The following COPG2 variants were observed in gnomAD, a reference collection of about 807,000 sequenced individuals.
The protein encoded by COPG2 is coat protein complex I subunit gamma 2.
A neutral mutation model predicts 46.3 loss-of-function variants in COPG2; 37 were observed. The observed-to-expected ratio is 0.80, with a 90% CI of 0.61 to 1.05. COPG2 has a LOEUF of 1.05. Among genes scored for constraint, COPG2 ranks in the 50% least tolerant of loss-of-function variants. COPG2 has a pLI of 0.00. For missense variants in COPG2, 427 were observed against 387.8 expected (o/e 1.10, Z -0.85); for synonymous variants, 159 against 129.7 (o/e 1.23, Z -1.53).
chr7:130,590,000 G>A (rs955162160), intron 9 of COPG2, among the ~76,000 whole-genome samples: 9 of 152,182 alleles, frequency 5.9e-5, no homozygotes, highest in Non-Finnish European at 1.2e-4. Context: ...CGTAAAAGAC[G>A]TTAAATTTTT....
chr7:130,615,859 G>T (rs181639627), intron 6 of COPG2, among the ~76,000 whole-genome samples: 1 of 152,332 alleles, frequency 6.6e-6, no homozygotes, highest in Admixed American at 6.5e-5. Context: ...CCACCTGTGG[G>T]CCAGCCAGTG....
chr7:130,552,321 TA>T, intron 15 of COPG2, 33 bp downstream of exon 15: 4 of 397,910 alleles, frequency 1.0e-5, no homozygotes, highest in Non-Finnish European at 1.8e-5. Context: ...ATAGAATTCT[TA>T]TTTTTTTTTA....
chr7:130,635,985 T>C lies in COPG2; in HGVS notation c.323+16884A>G, dbSNP rs1345771755. Among the ~76,000 whole-genome samples the C allele has an allele frequency of 2.6e-5, 4 of 152,286 alleles. No individual in the cohort carries two copies. The South Asian group carries it at 6.2e-4, about 24-fold the overall frequency. On this transcript the variant is annotated intron_variant, in intron 5 of 23. Transcript: ENST00000425248. Reference sequence around the variant, plus strand: ...TACCCAGTAGTCATTCAGGGGCAGGTTGTTCAGTTTCCATGTAGTTGTATG... The same window carrying C: ...TACCCAGTAGTCATTCAGGGGCAGGCTGTTCAGTTTCCATGTAGTTGTATG...
chr7:130,637,211 T>C (rs1383615599), intron 5 of COPG2, among the ~76,000 whole-genome samples: 1 of 152,202 alleles, frequency 6.6e-6, no homozygotes, highest in Non-Finnish European at 1.5e-5. Flanking sequence ...GTGGGGTTGC[T>C]CTTCTCGAGG....
intron 20 of COPG2, among the ~76,000 whole-genome samples, chr7:130,529,926 AC>A (rs1323885230): frequency 1.5e-3 from 227 of 152,320 alleles, no homozygotes; most frequent in Non-Finnish European, 2.6e-3. Flanking sequence ...TGCAAAATAT[AC>A]GCAGAGGTTC....
chr7:130,516,052 T>A (rs1266322438), intron 20 of COPG2, among the ~76,000 whole-genome samples: 1 of 152,062 alleles, frequency 6.6e-6, no homozygotes, highest in African/African-American at 2.4e-5. Flanking sequence ...CAGTACTGAA[T>A]CTATGGAACT....
chr7:130,599,180 G>A (rs950754251), intron 9 of COPG2, among the ~76,000 whole-genome samples: 1 of 152,194 alleles, frequency 6.6e-6, no homozygotes, highest in Non-Finnish European at 1.5e-5. Flanking sequence ...GGAAGTCTCT[G>A]AGGGGGATAA....
chr7:130,633,763 C>T (rs1052956958), intron 5 of COPG2, among the ~76,000 whole-genome samples: 11 of 152,096 alleles, frequency 7.2e-5, no homozygotes, highest in Non-Finnish European at 1.0e-4. Context: ...GTTGCCATTG[C>T]TTTTGGTGTT....
chr7:130,602,126 G>C (rs1354905141), intron 9 of COPG2, among the ~76,000 whole-genome samples: 3 of 152,174 alleles, frequency 2.0e-5, no homozygotes, highest in African/African-American at 7.2e-5. Flanking sequence ...CTAGGGAATA[G>C]TAAGTATTAC....
chr7:130,641,376 G>A (rs1389394583), intron 5 of COPG2, among the ~76,000 whole-genome samples: 1 of 152,100 alleles, frequency 6.6e-6, no homozygotes, highest in East Asian at 1.9e-4. Context: ...AAGAACTACA[G>A]CACTGATATG....
chr7:130,610,005 C>T (rs1475549350), intron 9 of COPG2: 3 of 502,376 alleles, frequency 6.0e-6, no homozygotes, highest in East Asian at 1.1e-4. Flanking sequence ...AAGTCACTGC[C>T]TAGTAATTTC....
At chr7:130,511,841 A>G (rs782403623) in intron 20 of COPG2, 1 of 519,550 alleles carries the variant, frequency 1.9e-6, no homozygotes, top group East Asian at 5.5e-5. Flanking sequence ...GCAGCAGACT[A>G]GCTCTTAAAG....
intron 4 of COPG2, among the ~76,000 whole-genome samples, chr7:130,659,475 A>C (rs1480908951): frequency 6.6e-6 from 1 of 152,154 alleles, no homozygotes; most frequent in Non-Finnish European, 1.5e-5. Context: ...AATAGGTAAA[A>C]TGTGGGAACA....
At chr7:130,565,871 A>T (rs1239221374) in intron 9 of COPG2, among the ~76,000 whole-genome samples, 3 of 152,186 alleles carry the variant, frequency 2.0e-5, no homozygotes, top group Non-Finnish European at 2.9e-5. Flanking sequence ...AAACTTGTAG[A>T]TCTACTGAGA....
chr7:130,563,695 A>T (rs1323050936), intron 10 of COPG2, among the ~76,000 whole-genome samples: 4 of 143,978 alleles, frequency 2.8e-5, no homozygotes, highest in Non-Finnish European at 6.0e-5. Flanking sequence ...CAGAGCTTGC[A>T]GTGAGCCGAG....
chr7:130,605,322 T>C, intron 9 of COPG2: 1 of 513,764 alleles, frequency 1.9e-6, no homozygotes, highest in Non-Finnish European at 3.9e-6. Flanking sequence ...AAGATGTCTA[T>C]GTCTTCATTC....
intron 5 of COPG2, among the ~76,000 whole-genome samples, chr7:130,632,020 T>C (rs1037057096): frequency 7.2e-5 from 11 of 152,348 alleles, no homozygotes; most frequent in Non-Finnish European, 1.5e-4. Context: ...GGATTGACAG[T>C]TGTTTTCAGC....
intron 9 of COPG2, among the ~76,000 whole-genome samples, chr7:130,571,937 T>C (rs898652692): frequency 2.0e-5 from 3 of 152,142 alleles, no homozygotes; most frequent in African/African-American, 7.2e-5. Flanking sequence ...ATAATAGCAT[T>C]TGCAGCAACC....
At chr7:130,603,617 A>T (rs1554450691) in intron 9 of COPG2, among the ~76,000 whole-genome samples, 1 of 149,274 alleles carries the variant, frequency 6.7e-6, no homozygotes, top group Non-Finnish European at 1.5e-5. Context: ...GCTACTGGGG[A>T]GGCTGAGGCA....
Sources: gnomAD v4.1 joint callset for allele counts (sites outside exome capture counted in the v4.1 genomes callset) on GRCh38, gnomAD v4.1.1 for gene constraint, MANE v1.5 for transcripts, NCBI Gene and HGNC (gene_info 2026-07-23, HGNC 2026-07-21) for gene names.